DLC1: variants seen among roughly 807,000 people sequenced by gnomAD.
DLC1 encodes rho GTPase-activating protein 7.
In DLC1, 54 loss-of-function variants were observed where a neutral mutation model predicts 140.3. The ratio of observed to expected loss-of-function variants is 0.38; its 90% CI spans 0.31 to 0.48. The LOEUF (loss-of-function observed/expected upper bound fraction) is 0.48. Ranked by LOEUF, DLC1 falls within the 20% of genes least tolerant of loss-of-function variation. The pLI, the probability that DLC1 is intolerant of heterozygous loss-of-function variation, is 0.96. For synonymous variants in DLC1, 986 were observed against 728.1 expected (o/e 1.35, Z -5.70); for missense variants, 2,536 against 1,907.0 (o/e 1.33, Z -6.14).
rs536770392 is a variant in DLC1, at chr8:13,367,123, C to T, written c.1314+26430G>A. Among the ~76,000 whole-genome samples, 14 of 152,266 alleles carry T rather than the reference C, an allele frequency of 9.2e-5. No homozygotes were observed. In the South Asian group the frequency reaches 1.9e-3, roughly 20 times the overall value. ...TGACACTCAGTGTATTTGTGTCTCT[C>T]TCCTTAAAATCCTTTACTCTTTTCT... On this transcript the variant is annotated intron_variant, in intron 4 of 17. Coordinates refer to ENST00000276297, the MANE Select transcript of DLC1 (RefSeq NM_182643.3).
At chr8:13,109,441 C>A (rs886771569) in intron 7 of DLC1, among the ~76,000 whole-genome samples, 2 of 152,026 alleles carry the variant, frequency 1.3e-5, no homozygotes, top group Non-Finnish European at 2.9e-5. Flanking sequence ...CCTGCAGTCC[C>A]AGCTACTCCA....
At chr8:13,377,632 C>T (rs1318408488) in intron 4 of DLC1, among the ~76,000 whole-genome samples, 4 of 151,982 alleles carry the variant, frequency 2.6e-5, no homozygotes, top group East Asian at 1.9e-4. Flanking sequence ...ATTTACTGTG[C>T]GATACACATT....
chr8:13,496,869 C>A (rs1027874218), intron 2 of DLC1, among the ~76,000 whole-genome samples: 2 of 142,388 alleles, frequency 1.4e-5, no homozygotes, highest in African/African-American at 5.3e-5. Flanking sequence ...GGTGCAATCT[C>A]GGCTCACTGC....
chr8:13,306,923 A>G (rs1330937027), intron 4 of DLC1, among the ~76,000 whole-genome samples: 1 of 151,722 alleles, frequency 6.6e-6, no homozygotes, highest in African/African-American at 2.4e-5. Flanking sequence ...GCCTCTACTA[A>G]AAATACAAAA....
chr8:13,432,211 A>G (rs1254315361), intron 2 of DLC1, among the ~76,000 whole-genome samples: 1 of 152,200 alleles, frequency 6.6e-6, no homozygotes, highest in Non-Finnish European at 1.5e-5. Context: ...TTATATTGAA[A>G]ATGAGACCTA....
intron 2 of DLC1, among the ~76,000 whole-genome samples, chr8:13,402,499 A>C (rs187314304): frequency 6.6e-6 from 1 of 152,386 alleles, no homozygotes. Context: ...CTTCAAAAGC[A>C]ACATCTACAG....
intron 17 of DLC1, 154 bp downstream of exon 17, chr8:13,086,136 C>CAACA: frequency 7.5e-7 from 1 of 1,333,806 alleles, no homozygotes; most frequent in Non-Finnish European, 1.0e-6. Context: ...GCTGAAAGAC[C>CAACA]AACAAACATG....
intron 2 of DLC1, among the ~76,000 whole-genome samples, chr8:13,402,440 G>C (rs1456824290): frequency 6.6e-6 from 1 of 152,124 alleles, no homozygotes; most frequent in Non-Finnish European, 1.5e-5. Flanking sequence ...TATTAGGATG[G>C]GGTACGGTAT....
At chr8:13,281,735 G>T (rs1831372975) in intron 5 of DLC1, among the ~76,000 whole-genome samples, 1 of 152,120 alleles carries the variant, frequency 6.6e-6, no homozygotes, top group Non-Finnish European at 1.5e-5. Context: ...ATGGGAAGAG[G>T]CTGCAATAAA....
intron 4 of DLC1, among the ~76,000 whole-genome samples, chr8:13,363,023 C>G (rs1197327120): frequency 6.6e-6 from 1 of 151,968 alleles, no homozygotes; most frequent in Non-Finnish European, 1.5e-5. Context: ...TTGTGCATTA[C>G]CCTTCTACTG....
At chr8:13,296,205 C>T (rs956342658) in intron 5 of DLC1, among the ~76,000 whole-genome samples, 2 of 151,996 alleles carry the variant, frequency 1.3e-5, no homozygotes, top group African/African-American at 2.4e-5. Context: ...ATTCGCTCAC[C>T]TCGGCCTCCC....
At chr8:13,524,714 T>C (rs978360932) in intron 1 of DLC1, among the ~76,000 whole-genome samples, 7 of 152,124 alleles carry the variant, frequency 4.6e-5, no homozygotes, top group African/African-American at 1.7e-4. Flanking sequence ...GTTGTGTTTT[T>C]TTTTTCATCT....
At chr8:13,395,595 C>A (rs139302172) in intron 3 of DLC1, among the ~76,000 whole-genome samples, 3 of 152,264 alleles carry the variant, frequency 2.0e-5, no homozygotes, top group Admixed American at 2.0e-4. Flanking sequence ...ATATTAATAC[C>A]TTTTCTTCCT....
chr8:13,161,488 G>A (rs1056899421), intron 5 of DLC1, among the ~76,000 whole-genome samples: 2 of 151,992 alleles, frequency 1.3e-5, no homozygotes, highest in African/African-American at 4.8e-5. Flanking sequence ...CTACAGGCAC[G>A]CACCACCACA....
At chr8:13,086,239 G>C (rs1413420600) in intron 17 of DLC1, 51 bp downstream of exon 17, 3 of 1,571,376 alleles carry the variant, frequency 1.9e-6, no homozygotes, top group African/African-American at 2.7e-5. Flanking sequence ...CAAAAAGTCA[G>C]AATTTCCTTC....
rs898211854 is a variant in DLC1, at chr8:13,158,073, A to G, written c.1349-42416T>C. On this transcript the variant is annotated intron_variant, in intron 5 of 17. Transcript: ENST00000276297. ...AGTTTTAAAGCCTTCAGATATTTCA[A>G]TGAGAGAAACTCAAGACAGCTTTTT... is the stretch of plus-strand genomic sequence containing the variant. Among the ~76,000 whole-genome samples, 4 of 152,364 alleles carry G rather than the reference A, an allele frequency of 2.6e-5. No individual in the cohort carries two copies. In the South Asian group the frequency reaches 6.2e-4, roughly 24 times the overall value.
intron 5 of DLC1, among the ~76,000 whole-genome samples, chr8:13,248,424 T>G (rs374149445): frequency 4.0e-5 from 6 of 151,660 alleles, no homozygotes; most frequent in African/African-American, 1.5e-4. Flanking sequence ...CTGAGCTGTT[T>G]CCCAATCCTT....
At chr8:13,244,855 C>G (rs532889340) in intron 5 of DLC1, among the ~76,000 whole-genome samples, 2 of 152,300 alleles carry the variant, frequency 1.3e-5, no homozygotes, top group South Asian at 4.1e-4. Context: ...TTCATATTCC[C>G]TCTCACACCT....
At chr8:13,122,018 G>A (rs1432328477) in intron 5 of DLC1, among the ~76,000 whole-genome samples, 1 of 152,092 alleles carries the variant, frequency 6.6e-6, no homozygotes, top group Non-Finnish European at 1.5e-5. Context: ...CCTTCGTCCT[G>A]GACTTTTTCA....
Sources: allele counts gnomAD v4.1 joint callset (sites outside exome capture counted in the v4.1 genomes callset), GRCh38; gene constraint gnomAD v4.1.1; transcripts MANE v1.5; gene names NCBI Gene and HGNC (gene_info 2026-07-23, HGNC 2026-07-21).